The following PRKD1 variants were observed in gnomAD, a reference collection of about 807,000 sequenced individuals.
PRKD1 encodes the protein protein kinase D1.
Under a neutral mutation model 95.9 loss-of-function variants are expected in PRKD1, and 63 were observed. That is an observed-to-expected ratio of 0.66 (90% confidence interval 0.54 to 0.81). PRKD1 has a LOEUF of 0.81. PRKD1 is among the 30% of genes least tolerant of loss of function. The pLI is 0.00. For synonymous variants in PRKD1, 425 were observed against 423.1 expected, an observed-to-expected ratio of 1.00 and a Z score of -0.05; for missense variants, 1,048 against 1,165.3, an observed-to-expected ratio of 0.90 and a Z score of 1.47.
chr14:29,867,583 A>T (rs1892955022), intron 1 of PRKD1, among the ~76,000 whole-genome samples: 1 of 152,172 alleles, frequency 6.6e-6, no homozygotes, highest in Admixed American at 6.5e-5. Flanking sequence ...TATGACAAAG[A>T]CTCTGAAATT....
chr14:29,668,701 T>G (rs893532716), intron 2 of PRKD1, among the ~76,000 whole-genome samples: 2 of 152,198 alleles, frequency 1.3e-5, no homozygotes, highest in Non-Finnish European at 2.9e-5. Context: ...TCAAAATTAT[T>G]TGCATAATAA....
At chr14:29,802,299 A>C (rs1429552048) in intron 1 of PRKD1, among the ~76,000 whole-genome samples, 1 of 152,212 alleles carries the variant, frequency 6.6e-6, no homozygotes, top group Non-Finnish European at 1.5e-5. Flanking sequence ...CCATAATACA[A>C]ATAGATTAAG....
At chr14:29,658,623 C>T (rs1882023834) in intron 4 of PRKD1, among the ~76,000 whole-genome samples, 1 of 152,030 alleles carries the variant, frequency 6.6e-6, no homozygotes, top group Non-Finnish European at 1.5e-5. Context: ...GAAAAGAGAG[C>T]GACCTGTTTC....
intron 16 of PRKD1, among the ~76,000 whole-genome samples, chr14:29,595,518 T>C (rs1444408535): frequency 1.3e-5 from 2 of 152,250 alleles, no homozygotes; most frequent in Non-Finnish European, 2.9e-5. Flanking sequence ...CTACTGTGTA[T>C]GTATATTGTG....
chr14:29,675,413 C>A (rs1346410958), intron 2 of PRKD1, among the ~76,000 whole-genome samples: 2 of 152,206 alleles, frequency 1.3e-5, no homozygotes, highest in Admixed American at 1.3e-4. Flanking sequence ...TTCCCCATCC[C>A]CATTCTTCTG....
intron 1 of PRKD1, among the ~76,000 whole-genome samples, chr14:29,773,186 T>G (rs1374882957): frequency 6.6e-6 from 1 of 152,062 alleles, no homozygotes; most frequent in Non-Finnish European, 1.5e-5. Context: ...AATGGCCGGC[T>G]GTGGTGACTC....
At chr14:29,776,312 T>A (rs908121151) in intron 1 of PRKD1, among the ~76,000 whole-genome samples, 1 of 152,190 alleles carries the variant, frequency 6.6e-6, no homozygotes, top group African/African-American at 2.4e-5. Flanking sequence ...TTTGATGAGT[T>A]GAGAGAAGAA....
At chr14:29,643,816 G>C (rs755127863) in intron 4 of PRKD1, among the ~76,000 whole-genome samples, 6 of 152,130 alleles carry the variant, frequency 3.9e-5, no homozygotes, top group Non-Finnish European at 7.4e-5. Context: ...AAAGTCACTT[G>C]ACAATAAAAA....
chr14:29,827,053 CAA>C (rs1891224627), intron 1 of PRKD1, among the ~76,000 whole-genome samples: 1 of 150,388 alleles, frequency 6.6e-6, no homozygotes, highest in Non-Finnish European at 1.5e-5. Context: ...AAGAATGACA[CAA>C]TGGACTTTCA....
At chr14:29,677,079 T>C (rs1883271356) in intron 2 of PRKD1, among the ~76,000 whole-genome samples, 1 of 152,190 alleles carries the variant, frequency 6.6e-6, no homozygotes, top group African/African-American at 2.4e-5. Flanking sequence ...AGAGAGAATT[T>C]AACAACAACA....
intron 13 of PRKD1, among the ~76,000 whole-genome samples, chr14:29,614,967 C>T (rs1878756629): frequency 6.6e-6 from 1 of 151,546 alleles, no homozygotes; most frequent in African/African-American, 2.4e-5. Flanking sequence ...CCGCCTCGGC[C>T]TCCCAAAGTG....
chr14:29,903,680 A>G (rs1894398447), intron 1 of PRKD1, among the ~76,000 whole-genome samples: 1 of 152,194 alleles, frequency 6.6e-6, no homozygotes, highest in African/African-American at 2.4e-5. Context: ...TACCTTTAAA[A>G]TAATCTGAGG....
chr14:29,826,128 CTA>C (rs1194881143), intron 1 of PRKD1, among the ~76,000 whole-genome samples: 3 of 148,370 alleles, frequency 2.0e-5, no homozygotes, highest in African/African-American at 2.5e-5. Flanking sequence ...GTGTCTCTCT[CTA>C]TATATATATA....
At chr14:29,823,830 T>C (rs1273645184) in intron 1 of PRKD1, among the ~76,000 whole-genome samples, 1 of 152,210 alleles carries the variant, frequency 6.6e-6, no homozygotes, top group African/African-American at 2.4e-5. Flanking sequence ...ATTTGAATGA[T>C]GAATAGCCAC....
chr14:29,629,227 G>A (rs1166752670), intron 10 of PRKD1, 134 bp from the exon 11 acceptor site: 1 of 625,774 alleles, frequency 1.6e-6, no homozygotes, highest in Non-Finnish European at 2.8e-6. Flanking sequence ...GTTTTTCTAA[G>A]AAAATGTCAT....
intron 1 of PRKD1, among the ~76,000 whole-genome samples, chr14:29,777,521 C>T (rs919722611): frequency 1.3e-5 from 2 of 152,064 alleles, no homozygotes; most frequent in South Asian, 2.1e-4. Context: ...AGACTTTAAA[C>T]CAACAAAGAT....
At chr14:29,889,600 G>T (rs575796061) in intron 1 of PRKD1, among the ~76,000 whole-genome samples, 5 of 152,330 alleles carry the variant, frequency 3.3e-5, no homozygotes, top group African/African-American at 1.2e-4. Flanking sequence ...GCACATGGAT[G>T]AAGCTGGAAA....
chr14:29,874,786 A>G (rs1449217122), intron 1 of PRKD1, among the ~76,000 whole-genome samples: 4 of 152,210 alleles, frequency 2.6e-5, no homozygotes, highest in Non-Finnish European at 5.9e-5. Context: ...TTTTTAAAAA[A>G]TTGATCACAG....
chr14:29,842,995 T>C (rs1045317642), intron 1 of PRKD1, among the ~76,000 whole-genome samples: 6 of 152,132 alleles, frequency 3.9e-5, no homozygotes, highest in Admixed American at 1.3e-4. Flanking sequence ...AAGCAACTTA[T>C]AGAAAGAGCC....
Sources: gnomAD v4.1 joint callset for allele counts (sites outside exome capture counted in the v4.1 genomes callset) on GRCh38, gnomAD v4.1.1 for gene constraint, MANE v1.5 for transcripts, NCBI Gene and HGNC (gene_info 2026-07-23, HGNC 2026-07-21) for gene names.